The following AP1M1 variants were observed in gnomAD, a reference collection of about 807,000 sequenced individuals.
AP1M1 encodes the protein AP-1 complex subunit mu-1.
A neutral mutation model predicts 57.1 loss-of-function variants in AP1M1; 18 were observed. The observed-to-expected ratio is 0.32, with a 90% confidence interval of 0.22 to 0.47. The LOEUF is 0.47. Ranked by LOEUF, AP1M1 falls within the 20% of genes least tolerant of loss-of-function variation. The pLI, the probability that AP1M1 is intolerant of heterozygous loss-of-function variation, is 1.00. For missense variants in AP1M1, 362 were observed against 593.5 expected (o/e 0.61, Z 4.05); for synonymous variants, 241 against 237.9 (o/e 1.01, Z -0.12).
In AP1M1 at chr19:16,208,141, C is replaced by T. The variant is rs2091477422; in HGVS notation, c.390C>T (p.Ile130=). Residue 130 remains isoleucine, a synonymous_variant, in exon 4 of 12, where the codon ATC becomes ATT. Transcript: ENST00000291439. ...FGYPQTTDSK[I]LQEYITQEGH... is the part of the protein sequence containing the mutation. Reference sequence around the variant, plus strand: ...ACCCCCAGACCACCGACAGCAAGATCCTGCAGGAGTGAGTGGGCAGGGGTG... The same window carrying T: ...ACCCCCAGACCACCGACAGCAAGATTCTGCAGGAGTGAGTGGGCAGGGGTG... The T allele has an allele frequency of 2.5e-6, 4 of 1,612,702 alleles. No homozygotes were observed. The highest frequency in any genetic ancestry group is 1.7e-5 in the Admixed American group (1 of 59,846).
Position 16,227,466 on chromosome 19 carries a change from G to A in AP1M1, c.674-82G>A. Reference sequence around the variant, plus strand: ...TGGACTGGGGGCCCTGCTCTGCCGGGGTGGGTTGCAGGTGGTAGGAGTACT... The same window carrying A: ...TGGACTGGGGGCCCTGCTCTGCCGGAGTGGGTTGCAGGTGGTAGGAGTACT... On this transcript the variant is annotated intron_variant, in intron 6 of 11. Coordinates refer to ENST00000291439, the MANE Select transcript of AP1M1 (RefSeq NM_032493.4). The surrounding 1 kb of genome is among the most constrained non-coding windows in gnomAD (Gnocchi z 6.2). The A allele has an allele frequency of 1.3e-6, 2 of 1,515,288 alleles. No individual in the cohort carries two copies. The highest frequency in any genetic ancestry group is 1.8e-6 in the Non-Finnish European group (2 of 1,103,638). 93.9% of individuals were successfully genotyped at this position (1,515,288 alleles called of 1,614,324 possible).
intron 9 of AP1M1, among the ~76,000 whole-genome samples, chr19:16,232,115 G>A (rs1469948452): frequency 1.3e-5 from 2 of 152,250 alleles, no homozygotes; most frequent in Non-Finnish European, 2.9e-5. Flanking sequence ...TGTTGTCCCT[G>A]TGGCTTATGG....
In AP1M1 at chr19:16,208,028, G is replaced by A. The variant is rs371060297; in HGVS notation, c.277G>A (p.Glu93Lys). ...FLYKVVQVFS[E>K]YFKELEEESI... ...TCCCCAACCGCCACAGGTGTTTTCC[G>A]AGTACTTCAAGGAGCTGGAGGAGGA... The change falls in exon 4 of 12, where the codon GAG becomes AAG. Residue 93 changes from glutamate to lysine, a missense_variant. Transcript: ENST00000291439. 6.2e-6 allele frequency: 10 copies of A among 1,612,410 alleles called. No homozygotes were observed. The highest frequency in any genetic ancestry group is 2.7e-5 in the African/African-American group (2 of 74,808).
chr19:16,216,505 C>G (rs535263154), intron 5 of AP1M1, among the ~76,000 whole-genome samples: 2 of 152,150 alleles, frequency 1.3e-5, no homozygotes, highest in African/African-American at 4.8e-5. Flanking sequence ...AGAGGACACT[C>G]TGGTTATTTG....
At chr19:16,211,317 C>G (rs2091492527) in intron 5 of AP1M1, among the ~76,000 whole-genome samples, 1 of 152,130 alleles carries the variant, frequency 6.6e-6, no homozygotes, top group African/African-American at 2.4e-5. Context: ...TGGTATCGAA[C>G]TCCTGACCTC....
chr19:16,231,881 C>G (rs957279830), intron 9 of AP1M1, among the ~76,000 whole-genome samples: 2 of 152,162 alleles, frequency 1.3e-5, no homozygotes, highest in Admixed American at 6.5e-5. Flanking sequence ...GCTTTTAAAC[C>G]TAGAGTGTTT....
chr19:16,210,829 G>T (rs907425149), intron 5 of AP1M1, among the ~76,000 whole-genome samples: 1 of 152,136 alleles, frequency 6.6e-6, no homozygotes, highest in African/African-American at 2.4e-5. Context: ...CAAAGTGCTG[G>T]GATTACAGGT....
At chr19:16,211,394 C>T (rs1319211720) in intron 5 of AP1M1, among the ~76,000 whole-genome samples, 1 of 152,040 alleles carries the variant, frequency 6.6e-6, no homozygotes, top group African/African-American at 2.4e-5. Context: ...ATGCCCAGCC[C>T]CCAATACTAT....
chr19:16,200,133 G>A (rs1349995904), intron 1 of AP1M1, among the ~76,000 whole-genome samples: 4 of 152,154 alleles, frequency 2.6e-5, no homozygotes, highest in African/African-American at 9.7e-5. Flanking sequence ...CAGGCCTCTC[G>A]GTCTAGCAGG....
chr19:16,201,388 C>CTTTTTTTTTT (rs57467734), intron 1 of AP1M1, among the ~76,000 whole-genome samples: 3 of 62,394 alleles, frequency 4.8e-5, no homozygotes, highest in Admixed American at 1.9e-4. Flanking sequence ...GGGAGGATTT[C>CTTTTTTTTTT]TTTTTTTTTT....
Position 16,207,965 on chromosome 19 carries a change from C to T in AP1M1, c.268-54C>T. On this transcript the variant is annotated intron_variant, in intron 3 of 11. Transcript: ENST00000291439. This position sits in a 1 kb window ranked among gnomAD's most constrained non-coding sequence, Gnocchi z 4.2. ...GTGCAAGCGTTCATTCATTCCTCAT[C>T]CGTCCGCTCAATGATCTGCCTCCCA... 6.4e-7 allele frequency: 1 copy of T among 1,574,026 alleles called. No individual in the cohort carries two copies. Among genetic ancestry groups the T allele is most frequent in the South Asian group, 1.2e-5 (1 of 84,678 alleles).
At chr19:16,205,664 C>A (rs558730461) in intron 2 of AP1M1, among the ~76,000 whole-genome samples, 1 of 152,230 alleles carries the variant, frequency 6.6e-6, no homozygotes, top group East Asian at 1.9e-4. Context: ...TCTGGCGGCC[C>A]GGGGACCCAT....
intron 5 of AP1M1, among the ~76,000 whole-genome samples, chr19:16,209,706 C>G (rs565997969): frequency 4.7e-4 from 71 of 152,098 alleles, no homozygotes; most frequent in African/African-American, 1.6e-3. Context: ...ATTCTGTAGA[C>G]AGACAGAAAC....
chr19:16,213,714 A>C (rs758512279), intron 5 of AP1M1, among the ~76,000 whole-genome samples: 30 of 152,184 alleles, frequency 2.0e-4, no homozygotes, highest in Non-Finnish European at 4.0e-4. Flanking sequence ...GCTGGTCTCG[A>C]ACTCCTGACC....
chr19:16,206,228 G>T lies in AP1M1; in HGVS notation c.200-113G>T, dbSNP rs1362511435. 5 of 1,065,848 alleles carry T rather than the reference G, an allele frequency of 4.7e-6. No individual in the cohort carries two copies. The East Asian group carries it at 1.2e-4, about 26-fold the overall frequency. 66.0% of individuals were successfully genotyped at this position (1,065,848 alleles called of 1,614,324 possible). A position where few individuals can be genotyped will look rare whatever the true frequency, so the allele number is the denominator to read the frequency against. On this transcript the variant is annotated intron_variant, in intron 2 of 11. Coordinates refer to ENST00000291439, the MANE Select transcript of AP1M1 (RefSeq NM_032493.4). The surrounding 1 kb of genome is among the most constrained non-coding windows in gnomAD (Gnocchi z 4.3). ...TGGGCCAAGTAAACGGCTGGGAGTG[G>T]GGATAGGGAAGGCTCTGAGGGTTGT...
In AP1M1 at chr19:16,228,056, C is replaced by T; in HGVS notation, c.817-81C>T. ...CACACCTGGGCAGATGGTCCCTTGC[C>T]CTGGGCCTTGGTTTCCCCTCTGAAA... On this transcript the variant is annotated intron_variant, in intron 7 of 11. Coordinates refer to ENST00000291439, the MANE Select transcript of AP1M1 (RefSeq NM_032493.4). The surrounding 1 kb of genome is among the most constrained non-coding windows in gnomAD (Gnocchi z 5.0). The T allele has an allele frequency of 7.0e-7, 1 of 1,426,238 alleles. No individual in the cohort carries two copies. The highest frequency in any genetic ancestry group is 9.8e-7 in the Non-Finnish European group (1 of 1,022,632). The allele number at this position is 1,426,238 out of a possible 1,614,324, so 88.3% of individuals were successfully genotyped here.
At chr19:16,223,442 G>A (rs909307706) in intron 5 of AP1M1, among the ~76,000 whole-genome samples, 10 of 152,276 alleles carry the variant, frequency 6.6e-5, no homozygotes, top group African/African-American at 2.2e-4. Flanking sequence ...GATTCCTTGC[G>A]GTTTACTGTT....
chr19:16,225,088 A>T (rs12982013), intron 5 of AP1M1, among the ~76,000 whole-genome samples: 100,039 of 151,932 alleles, frequency 0.66, 35,181 homozygotes, highest in Non-Finnish European at 0.8. Flanking sequence ...AGGTGACAGA[A>T]CCGGAGCCCT....
At chr19:16,224,841 GC>G (rs1261224722) in intron 5 of AP1M1, among the ~76,000 whole-genome samples, 1 of 152,104 alleles carries the variant, frequency 6.6e-6, no homozygotes, top group Non-Finnish European at 1.5e-5. Context: ...GGCTCCTGGA[GC>G]CCCGGCCAGT....
Sources: gnomAD v4.1 joint callset for allele counts (sites outside exome capture counted in the v4.1 genomes callset) on GRCh38, gnomAD v4.1.1 for gene constraint, Gnocchi (gnomAD v3.1) non-coding constraint, MANE v1.5 for transcripts, NCBI Gene and HGNC (gene_info 2026-07-23, HGNC 2026-07-21) for gene names.